The following NLRP7 variants were observed in gnomAD, a reference collection of about 807,000 sequenced individuals.
The protein encoded by NLRP7 is NLR family pyrin domain containing 7.
A neutral mutation model predicts 85.5 loss-of-function variants in NLRP7; 72 were observed. That is an observed-to-expected ratio of 0.84 (90% confidence interval 0.70 to 1.02). The LOEUF (loss-of-function observed/expected upper bound fraction) is 1.02. NLRP7 is among the 50% of genes least tolerant of loss of function. The pLI is 0.00. For missense variants in NLRP7, 1,243 were observed against 1,219.5 expected (o/e 1.02, Z -0.29); for synonymous variants, 550 against 505.2 (o/e 1.09, Z -1.19).
intron 8 of NLRP7, among the ~76,000 whole-genome samples, chr19:54,933,230 C>T (rs770856853): frequency 2.0e-5 from 3 of 152,100 alleles, no homozygotes; most frequent in Non-Finnish European, 2.9e-5. Context: ...ACTGCAACCT[C>T]CGCCTTCCAG....
intron 9 of NLRP7, among the ~76,000 whole-genome samples, chr19:54,930,023 G>A (rs1005252184): frequency 1.3e-5 from 2 of 150,222 alleles, no homozygotes; most frequent in Non-Finnish European, 3.0e-5. Flanking sequence ...GCTGAGGCAG[G>A]AGAATAGCGA....
At chr19:54,941,411 C>G in intron 2 of NLRP7, 24 bp downstream of exon 2, 2 of 1,206,754 alleles carry the variant, frequency 1.7e-6, no homozygotes, top group East Asian at 2.3e-5. Flanking sequence ...AAAAAATGAC[C>G]AGGACACCCC....
At chr19:54,948,340 C>T (rs558373626), upstream of NLRP7, among the ~76,000 whole-genome samples, 2 of 152,130 alleles carry the variant, frequency 1.3e-5, no homozygotes, top group Middle Eastern at 3.4e-3. Context: ...GGCACGATCA[C>T]GCCATTGCAC....
At chr19:54,939,003 G>A in exon 4 of NLRP7, 1 of 1,614,184 alleles carries the variant, frequency 6.2e-7, no homozygotes, top group South Asian at 1.1e-5. Context: ...AAGGAACAAT[G>A]CATCACTTCA....
chr19:54,940,315 C>T (rs1225699510), exon 4 of NLRP7: 1 of 1,614,236 alleles, frequency 6.2e-7, no homozygotes, highest in Admixed American at 1.7e-5. Context: ...AAGGTGTTAG[C>T]TTCCTGGGTG....
At chr19:54,941,565 A>G (rs1417205950) in exon 2 of NLRP7, 2 of 1,613,978 alleles carry the variant, frequency 1.2e-6, no homozygotes, top group Admixed American at 1.7e-5. Flanking sequence ...TCTTGCCATC[A>G]GCCTCTTCCA....
At position 54,935,470 on chromosome 19, in the gene NLRP7, C is replaced by T. The variant is rs543606475; in HGVS notation, c.2300+791G>A. Among the ~76,000 whole-genome samples the T allele has an allele frequency of 1.6e-3, 242 of 152,130 alleles. 1 individual carries two copies. The highest frequency in any genetic ancestry group is 5.6e-3 in the African/African-American group (231 of 41,518). On this transcript the variant is annotated intron_variant, in intron 6 of 9. Transcript: ENST00000340844. ...TAGCACTTTGGGAGGCCGAGACAGG[C>T]GGATCACTTGAGGTCAGGAGTTCGA...
intron 1 of NLRP7, among the ~76,000 whole-genome samples, chr19:54,946,051 A>G (rs1569541582): frequency 6.6e-6 from 1 of 151,916 alleles, no homozygotes; most frequent in Non-Finnish European, 1.5e-5. Context: ...TCGGCCTCCC[A>G]TAGTGCTGGG....
chr19:54,932,055 C>T (rs2068701536), intron 8 of NLRP7, among the ~76,000 whole-genome samples: 1 of 152,034 alleles, frequency 6.6e-6, no homozygotes, highest in Non-Finnish European at 1.5e-5. Context: ...ACACATTCTA[C>T]ATATATAGGG....
At chr19:54,938,340 T>C in intron 4 of NLRP7, 99 bp from the exon 5 acceptor site, 1 of 911,836 alleles carries the variant, frequency 1.1e-6, no homozygotes, top group Non-Finnish European at 1.8e-6. Context: ...CAATTACTTT[T>C]GCACCAACCT....
exon 5 of NLRP7, chr19:54,938,095 C>A (rs104895502): frequency 2.5e-6 from 4 of 1,614,018 alleles, no homozygotes; most frequent in Non-Finnish European, 3.4e-6. Context: ...ACAAAGAATC[C>A]GCACAGAAGA....
chr19:54,928,135 G>A (rs369513285), intron 9 of NLRP7, among the ~76,000 whole-genome samples: 139 of 152,230 alleles, frequency 9.1e-4, no homozygotes, highest in Middle Eastern at 6.8e-3. Flanking sequence ...CACAAGAATC[G>A]CTTCAGCCTG....
chr19:54,925,850 A>C (rs547276804), intron 9 of NLRP7, among the ~76,000 whole-genome samples: 1 of 151,996 alleles, frequency 6.6e-6, no homozygotes, highest in Non-Finnish European at 1.5e-5. Flanking sequence ...AATACAAAAA[A>C]TTAGCCGGGC....
chr19:54,930,654 G>T lies in NLRP7; in HGVS notation c.2655C>A (p.Cys885Ter), dbSNP rs372626501. The T allele has an allele frequency of 1.9e-6, 3 of 1,613,272 alleles. No homozygotes were observed. Among genetic ancestry groups the T allele is most frequent in the Non-Finnish European group, 2.5e-6 (3 of 1,179,302 alleles). The change falls in exon 9 of 10, where the codon TGC becomes TGA. Residue 885 changes from cysteine (C) to a stop codon, truncating the protein, a stop_gained. Transcript: ENST00000340844. LOFTEE classifies it high-confidence loss of function. ...ATCTACAGCCAAGCTTGGTTATGCT[G>T]CATTGCTGTAACCTACAGGATAATC... is the stretch of plus-strand genomic sequence containing the variant.
At chr19:54,939,820 G>A (rs1327913215) in exon 4 of NLRP7, 4 of 1,613,970 alleles carry the variant, frequency 2.5e-6, no homozygotes, top group African/African-American at 1.3e-5. Flanking sequence ...AGTGTCTCAG[G>A]AAATAGGCCC....
chr19:54,956,120 A>G (rs974883285), intron 1 of NLRP7, among the ~76,000 whole-genome samples: 6 of 151,552 alleles, frequency 4.0e-5, no homozygotes, highest in African/African-American at 1.5e-4. Flanking sequence ...AGCCTGGGCA[A>G]CAGAGGGAGA....
chr19:54,923,977 A>G (rs1255122294), intron 9 of NLRP7, 105 bp from the exon 11 acceptor site: 15 of 1,280,372 alleles, frequency 1.2e-5, no homozygotes, highest in Middle Eastern at 1.8e-4. Flanking sequence ...CGTTTTTGGG[A>G]TTTTCTGGGG....
At chr19:54,963,348 G>GA (rs1228416547) in intron 1 of NLRP7, among the ~76,000 whole-genome samples, 1 of 151,348 alleles carries the variant, frequency 6.6e-6, no homozygotes, top group African/African-American at 2.4e-5. Flanking sequence ...GTCTCAAAAA[G>GA]AAAAAACGAA....
At chr19:54,923,625 C>A (rs552908115) in exon 10 of NLRP7, 2 of 1,217,546 alleles carry the variant, frequency 1.6e-6, no homozygotes, top group Non-Finnish European at 2.4e-6. Flanking sequence ...AGTGTCAAAT[C>A]CTACCTCTCG....
Sources: gnomAD v4.1 joint callset for allele counts (sites outside exome capture counted in the v4.1 genomes callset) on GRCh38, gnomAD v4.1.1 for gene constraint, MANE v1.5 for transcripts, NCBI Gene and HGNC (gene_info 2026-07-23, HGNC 2026-07-21) for gene names.